Variants in TRNT1 observed in about 807,000 individuals in gnomAD.
TRNT1 encodes tRNA nucleotidyl transferase 1, also known as CCA tRNA nucleotidyltransferase 1, mitochondrial.
TRNT1 carries 44 observed loss-of-function variants against 45.6 expected under a neutral mutation model. The ratio of observed to expected loss-of-function variants is 0.97; its 90% CI spans 0.76 to 1.24. The LOEUF (loss-of-function observed/expected upper bound fraction) is 1.24, where lower values mean the gene tolerates loss of function less well. Among genes scored for constraint, TRNT1 ranks in the 50% most tolerant of loss-of-function variants. The pLI is 0.00. For synonymous variants in TRNT1, 201 were observed against 171.4 expected, an observed-to-expected ratio of 1.17 and a Z score of -1.35; for missense variants, 633 against 504.4, an observed-to-expected ratio of 1.25 and a Z score of -2.44.
chr3:3,152,589 T>G, downstream of TRNT1: 1 of 1,614,010 alleles, frequency 6.2e-7, no homozygotes. Flanking sequence ...AAGGATAAAC[T>G]AAAACAAAGA....
chr3:3,129,353 A>G, intron 2 of TRNT1, 165 bp downstream of exon 2: 1 of 628,724 alleles, frequency 1.6e-6, no homozygotes, highest in Non-Finnish European at 2.6e-6. Context: ...TGGTCTCAAA[A>G]CTCCTGGGCT....
intron 2 of TRNT1, among the ~76,000 whole-genome samples, chr3:3,133,236 A>G (rs1163162815): frequency 6.6e-6 from 1 of 152,150 alleles, no homozygotes; most frequent in African/African-American, 2.4e-5. Context: ...GCTTCAGTAC[A>G]ATCATATGCT....
chr3:3,149,811 TACTACATTTGAGTAA>T (rs1288863741), downstream of TRNT1: 1 of 152,122 alleles, frequency 6.6e-6, no homozygotes, highest in East Asian at 1.9e-4. Flanking sequence ...CTCATACTAT[TACTACATTTGAGTAA>T]ACATTTAACC....
chr3:3,152,671 C>T, downstream of TRNT1: 3 of 1,511,308 alleles, frequency 2.0e-6, no homozygotes, highest in Admixed American at 5.2e-5. Context: ...TGAAGTTCAC[C>T]AAGAAATGAG....
At chr3:3,153,122 G>A, downstream of TRNT1, 2 of 354,718 alleles carry the variant, frequency 5.6e-6, no homozygotes, top group East Asian at 6.5e-5. Context: ...AAGCATCTAT[G>A]TTAGGGCCTA....
chr3:3,148,416 T>A lies in TRNT1; in HGVS notation c.*262T>A. ...AAACATAGTTGGCTATTATCTATCTTAACCTGTTCAGGCTTTTAAAAAAAA... is the reference window on the plus strand; with the variant it reads ...AAACATAGTTGGCTATTATCTATCTAAACCTGTTCAGGCTTTTAAAAAAAA... On this transcript the variant is annotated 3_prime_UTR_variant, in exon 8 of 8. Coordinates refer to ENST00000251607, the MANE Select transcript of TRNT1 (RefSeq NM_182916.3). 1 of 329,834 alleles carries A rather than the reference T, an allele frequency of 3.0e-6. No homozygotes were observed. Among genetic ancestry groups the A allele is most frequent in the South Asian group, 4.7e-5 (1 of 21,196 alleles). The allele number at this position is 329,834 out of a possible 1,614,324, so 20.4% of individuals were successfully genotyped here.
In TRNT1 at chr3:3,146,596, T is replaced by G. The variant is rs1276020096; in HGVS notation, c.775T>G (p.Tyr259Asp). The change falls in exon 6 of 8, where the codon TAT (tyrosine) becomes GAT (aspartate). Residue 259 changes from tyrosine (Y) to aspartate (D), a missense_variant. Coordinates refer to ENST00000251607, the MANE Select transcript of TRNT1 (RefSeq NM_182916.3). ...TGTAAATCATTTGATTCACCTTATC[T>G]ATGATCTTGATGTGGCTCCTTATAT... Reference protein sequence around the residue: ...NHVNHLIHLIYDLDVAPYIGL... With the variant: ...NHVNHLIHLIDDLDVAPYIGL... 1.2e-6 allele frequency: 2 copies of G among 1,613,104 alleles called. No individual in the cohort carries two copies. The highest frequency in any genetic ancestry group is 1.7e-6 in the Non-Finnish European group (2 of 1,179,614).
chr3:3,152,987 A>G (rs1575079996), downstream of TRNT1: 1 of 297,920 alleles, frequency 3.4e-6, no homozygotes, highest in East Asian at 8.3e-5. Context: ...TTCTTGATTT[A>G]CAACTGATGG....
At chr3:3,146,717 G>T in intron 6 of TRNT1, 94 bp downstream of exon 6, 2 of 1,178,854 alleles carry the variant, frequency 1.7e-6, no homozygotes, top group East Asian at 2.4e-5. Flanking sequence ...TTTGGTTGAA[G>T]AATTCTTGGA....
downstream of TRNT1, chr3:3,149,680 A>T (rs1323880959): frequency 6.6e-6 from 1 of 152,120 alleles, no homozygotes; most frequent in Non-Finnish European, 1.5e-5. Flanking sequence ...ACCTTAGAAA[A>T]AATAAGGCAG....
chr3:3,152,902 T>A, downstream of TRNT1: 1 of 405,610 alleles, frequency 2.5e-6, no homozygotes, highest in Non-Finnish European at 4.6e-6. Context: ...AGTCTGAGAG[T>A]GTAAGTGCAA....
chr3:3,135,223 C>G (rs1705252337), intron 2 of TRNT1, among the ~76,000 whole-genome samples: 1 of 152,112 alleles, frequency 6.6e-6, no homozygotes, highest in African/African-American at 2.4e-5. Context: ...AGTGAAGTGA[C>G]TCACACAAGC....
intron 2 of TRNT1, among the ~76,000 whole-genome samples, chr3:3,134,682 TAAAA>T (rs1183056313): frequency 6.6e-6 from 1 of 152,222 alleles, no homozygotes; most frequent in Non-Finnish European, 1.5e-5. Flanking sequence ...TAAGAAAACT[TAAAA>T]AAACCCAATA....
Position 3,147,523 on chromosome 3 carries a change from A to G in TRNT1, c.876A>G (p.Pro292=), listed in dbSNP as rs776003266. ...SKNVDGFSPK[P]VTLLASLFKV... is the part of the protein sequence containing the mutation. ...ATGTTGATGGTTTTTCACCAAAGCC[A>G]GTGACTCTTTTGGCCTCATTATTCA... Residue 292 remains proline (P), a synonymous_variant, in exon 7 of 8, where the codon CCA becomes CCG. Coordinates refer to ENST00000251607, the MANE Select transcript of TRNT1 (RefSeq NM_182916.3). The G allele has an allele frequency of 1.9e-6, 3 of 1,613,862 alleles. No individual in the cohort carries two copies. The highest frequency in any genetic ancestry group is 2.5e-6 in the Non-Finnish European group (3 of 1,179,878).
At chr3:3,139,252 G>T (rs334765) in intron 3 of TRNT1, among the ~76,000 whole-genome samples, 139,371 of 152,200 alleles carry the variant, frequency 0.92, 65,045 homozygotes, top group East Asian at 1. Flanking sequence ...AAAATGAGTT[G>T]CAAACAGTTT....
chr3:3,139,983 C>T (rs1705545346), intron 3 of TRNT1, among the ~76,000 whole-genome samples: 1 of 152,200 alleles, frequency 6.6e-6, no homozygotes, highest in Non-Finnish European at 1.5e-5. Flanking sequence ...CCTGCCTTGA[C>T]CTCCCAAAGT....
At chr3:3,152,220 G>A (rs529477158), downstream of TRNT1, among the ~76,000 whole-genome samples, 1 of 149,768 alleles carries the variant, frequency 6.7e-6, no homozygotes, top group African/African-American at 2.5e-5. Flanking sequence ...GCACAATCTT[G>A]GCTCACTGCA....
At chr3:3,149,097 G>A (rs956436815), downstream of TRNT1, 3 of 152,048 alleles carry the variant, frequency 2.0e-5, no homozygotes, top group Non-Finnish European at 2.9e-5. Context: ...TGTGTAGCCA[G>A]TCATAACATC....
chr3:3,150,972 C>T (rs770018396), downstream of TRNT1: 1 of 1,614,024 alleles, frequency 6.2e-7, no homozygotes, highest in Non-Finnish European at 8.5e-7. Context: ...GGTGACATGT[C>T]TTTTTTGGTG....
Sources: gnomAD v4.1 joint callset for allele counts (sites outside exome capture counted in the v4.1 genomes callset) on GRCh38, gnomAD v4.1.1 for gene constraint, MANE v1.5 for transcripts, NCBI Gene and HGNC (gene_info 2026-07-23, HGNC 2026-07-21) for gene names.